STON2: variants seen among roughly 807,000 people sequenced by gnomAD.
The protein encoded by STON2 is stonin 2, also known as stonin-2.
A neutral mutation model predicts 65.7 loss-of-function variants in STON2; 29 were observed. That is an observed-to-expected ratio of 0.44 (90% CI 0.33 to 0.60). The LOEUF is 0.60. Ranked by LOEUF, STON2 falls within the 20% of genes least tolerant of loss-of-function variation. STON2 has a pLI of 0.03. For missense variants in STON2, 1,054 were observed against 1,118.1 expected (o/e 0.94, Z 0.82); for synonymous variants, 404 against 414.2 (o/e 0.98, Z 0.30).
In STON2 at chr14:81,395,935, C is replaced by T; in HGVS notation, c.332G>A (p.Trp111Ter). Residue 111 changes from tryptophan (W) to a stop codon, truncating the protein, a stop_gained, in exon 3 of 8, where the codon TGG (tryptophan) becomes TAG (stop). Transcript: ENST00000614646. LOFTEE classifies it high-confidence loss of function. ...NWVQFEDDTP[W>*]ASTSPPHQET... Reference sequence around the variant, plus strand: ...CTGATGAGGTGGAGATGTGCTGGCCCAGGGTGTGTCATCTTCAAACTGAAC... The same window carrying T: ...CTGATGAGGTGGAGATGTGCTGGCCTAGGGTGTGTCATCTTCAAACTGAAC... 1.2e-6 allele frequency: 2 copies of T among 1,614,112 alleles called. No homozygotes were observed. The highest frequency in any genetic ancestry group is 1.7e-6 in the Non-Finnish European group (2 of 1,180,010).
rs780553205 is a variant in STON2, at chr14:81,276,883, A to T, written c.2581+18T>A. ...ACAACTGTATGTTTGTTTTCACAGA[A>T]GAGGAACCACCACCCACCTGAGTTT... On this transcript the variant is annotated intron_variant, in intron 6 of 7. Coordinates refer to ENST00000614646, the MANE Select transcript of STON2 (RefSeq NM_001394390.1). 12 of 1,599,192 alleles carry T rather than the reference A, an allele frequency of 7.5e-6. No individual in the cohort carries two copies. Among genetic ancestry groups the T allele is most frequent in the Admixed American group, 3.4e-5 (2 of 58,894 alleles).
At chr14:81,410,738 C>T (rs1345847515) in intron 2 of STON2, among the ~76,000 whole-genome samples, 4 of 152,094 alleles carry the variant, frequency 2.6e-5, no homozygotes, top group African/African-American at 7.2e-5. Flanking sequence ...ATACATAAAC[C>T]AAGAAAATCT....
chr14:81,424,255 C>T (rs930331368), intron 2 of STON2, among the ~76,000 whole-genome samples: 2 of 152,012 alleles, frequency 1.3e-5, no homozygotes. Context: ...ACCAGCCTGG[C>T]CAACATGGTG....
In STON2 at chr14:81,278,512, A is replaced by G; in HGVS notation, c.970T>C (p.Tyr324His). ...TTCTTAAATGATCCCATTGAATTAT[A>G]AGGTACATCTGGGATCACAGATGCA... ...PSASVIPDVP[Y>H]NSMGSFKKRD... Residue 324 changes from tyrosine (Y) to histidine (H), a missense_variant, in exon 6 of 8, where the codon TAT becomes CAT. By Grantham distance (83) the Tyr-to-His change is moderately conservative. Transcript: ENST00000614646. The G allele has an allele frequency of 6.2e-7, 1 of 1,614,174 alleles. No individual in the cohort carries two copies. The highest frequency in any genetic ancestry group is 2.2e-5 in the East Asian group (1 of 44,890).
At chr14:81,382,350 C>A (rs976726551) in intron 3 of STON2, among the ~76,000 whole-genome samples, 3 of 152,134 alleles carry the variant, frequency 2.0e-5, no homozygotes, top group South Asian at 2.1e-4. Context: ...GCTACAAGTT[C>A]TTTTCGTTTT....
At chr14:81,414,446 G>A (rs1221032375) in intron 2 of STON2, among the ~76,000 whole-genome samples, 3 of 152,120 alleles carry the variant, frequency 2.0e-5, no homozygotes, top group South Asian at 4.1e-4. Flanking sequence ...ACCCTGTGAC[G>A]CCAAATGGAC....
chr14:81,382,223 A>AAAAAG (rs3044278), intron 3 of STON2, among the ~76,000 whole-genome samples: 30,256 of 150,916 alleles, frequency 0.2, 4,258 homozygotes, highest in East Asian at 0.43. Flanking sequence ...TGTCTCAAAA[A>AAAAAG]AAAAGAAAAG....
At chr14:81,345,532 T>C (rs1028555539) in intron 4 of STON2, among the ~76,000 whole-genome samples, 2 of 152,030 alleles carry the variant, frequency 1.3e-5, no homozygotes, top group African/African-American at 4.8e-5. Context: ...GAGCCTGAGG[T>C]AGAAGGATGG....
chr14:81,270,495 T>G (rs1330964414), intron 7 of STON2, 175 bp downstream of exon 7: 2 of 1,512,500 alleles, frequency 1.3e-6, no homozygotes, highest in Non-Finnish European at 1.8e-6. Flanking sequence ...ACTAGCCAGA[T>G]TATGCATTTA....
At position 81,412,969 on chromosome 14, in the gene STON2, C is replaced by A. The variant is rs574058422; in HGVS notation, c.-199+14133G>T. ...GCCAGCCCCCTTCTCCATGGGTAAC[C>A]ATGTGCGACCAAAAGGCCGTGATCA... On this transcript the variant is annotated intron_variant, in intron 2 of 8. Transcript: ENST00000553821. The A allele has an allele frequency of 4.9e-5, 51 of 1,030,740 alleles. 8 individuals carry two copies. In the Admixed American group the frequency reaches 5.9e-4, roughly 12 times the overall value. The allele number at this position is 1,030,740 out of a possible 1,614,324, so 63.8% of individuals were successfully genotyped here. A position where few individuals can be genotyped will look rare whatever the true frequency, so the allele number is the denominator to read the frequency against.
chr14:81,385,159 T>C (rs1899732379), intron 3 of STON2, among the ~76,000 whole-genome samples: 1 of 152,248 alleles, frequency 6.6e-6, no homozygotes, highest in Non-Finnish European at 1.5e-5. Flanking sequence ...GGTGGTTTAT[T>C]GTGTTTTGTA....
chr14:81,272,084 T>C (rs1566880356), intron 6 of STON2, among the ~76,000 whole-genome samples: 1 of 151,980 alleles, frequency 6.6e-6, no homozygotes, highest in Non-Finnish European at 1.5e-5. Flanking sequence ...TAGCCGGGCG[T>C]GGTGGCGGGC....
chr14:81,262,523 T>G lies in STON2; in HGVS notation c.*5891A>C. 1.0e-6 allele frequency: 1 copy of G among 985,396 alleles called. No individual in the cohort carries two copies. The allele number at this position is 985,396 out of a possible 1,614,324, so 61.0% of individuals were successfully genotyped here. A position where few individuals can be genotyped will look rare whatever the true frequency, so the allele number is the denominator to read the frequency against. The stretch of plus-strand genomic sequence containing the variant: ...AAGTATTTTGAGGCTTGGTACCCAA[T>G]GCTGATTTGTCATCTCTCTAGATTT... On this transcript the variant is annotated 3_prime_UTR_variant, in exon 8 of 8. Coordinates refer to ENST00000614646, the MANE Select transcript of STON2 (RefSeq NM_001394390.1).
chr14:81,272,536 C>T (rs1045949035), intron 6 of STON2, among the ~76,000 whole-genome samples: 2 of 152,136 alleles, frequency 1.3e-5, no homozygotes, highest in African/African-American at 4.8e-5. Flanking sequence ...ACATACACAC[C>T]CGCTCTCCAA....
In STON2 at chr14:81,371,083, G is replaced by C. The variant is rs1400680703; in HGVS notation, c.476C>G (p.Thr159Ser). 1 of 1,614,078 alleles carries C rather than the reference G, an allele frequency of 6.2e-7. No homozygotes were observed. The highest frequency in any genetic ancestry group is 1.3e-5 in the African/African-American group (1 of 75,046). Residue 159 changes from threonine to serine, a missense_variant, in exon 4 of 8, where the codon ACC becomes AGC. By Grantham distance (58) the Thr-to-Ser change is moderately conservative. Coordinates refer to ENST00000614646, the MANE Select transcript of STON2 (RefSeq NM_001394390.1). ...CGAACATCCAAAGCTAGGACTGCTGGTGTCTTCAGAATGGGTGGTCCAGCT... is the reference window on the plus strand; with the variant it reads ...CGAACATCCAAAGCTAGGACTGCTGCTGTCTTCAGAATGGGTGGTCCAGCT... ...ESSWTTHSEDTSSPSFGCSYT... is the reference protein window; with the variant it reads ...ESSWTTHSEDSSSPSFGCSYT...
At chr14:81,269,418 C>T (rs2140096680) in intron 7 of STON2, 1 of 985,410 alleles carries the variant, frequency 1.0e-6, no homozygotes, top group Non-Finnish European at 1.2e-6. Context: ...AAGAAATTAA[C>T]AGATTAATCT....
chr14:81,347,465 T>C (rs527765403), intron 4 of STON2, among the ~76,000 whole-genome samples: 1 of 152,058 alleles, frequency 6.6e-6, no homozygotes, highest in East Asian at 1.9e-4. Context: ...CAGGGTCAGA[T>C]GGCTTTACAT....
At chr14:81,388,993 T>C (rs1247769093) in intron 3 of STON2, among the ~76,000 whole-genome samples, 1 of 152,194 alleles carries the variant, frequency 6.6e-6, no homozygotes, top group Non-Finnish European at 1.5e-5. Flanking sequence ...ACCACCTTTT[T>C]CTCTTACGAC....
intron 4 of STON2, among the ~76,000 whole-genome samples, chr14:81,363,323 A>G (rs979914203): frequency 6.6e-5 from 10 of 152,210 alleles, no homozygotes; most frequent in African/African-American, 2.4e-4. Flanking sequence ...AAAATTATAT[A>G]TAAAAATCAT....
Sources: allele counts gnomAD v4.1 joint callset (sites outside exome capture counted in the v4.1 genomes callset), GRCh38; gene constraint gnomAD v4.1.1; transcripts MANE v1.5; gene names NCBI Gene and HGNC (gene_info 2026-07-23, HGNC 2026-07-21).